Variants in USP42 observed in about 807,000 individuals in gnomAD.
USP42 encodes ubiquitin carboxyl-terminal hydrolase 42.
A neutral mutation model predicts 113.0 loss-of-function variants in USP42; 23 were observed. The observed-to-expected ratio is 0.20, with a 90% CI of 0.15 to 0.29. The LOEUF is 0.29. Among genes scored for constraint, USP42 ranks in the 10% least tolerant of loss-of-function variants. The pLI is 1.00. For synonymous variants in USP42, 933 were observed against 699.0 expected, an observed-to-expected ratio of 1.33 and a Z score of -5.28; for missense variants, 2,174 against 1,779.8, an observed-to-expected ratio of 1.22 and a Z score of -3.99.
At position 6,147,773 on chromosome 7, in the gene USP42, C is replaced by T; in HGVS notation, c.1267C>T (p.His423Tyr). 6.3e-7 allele frequency: 1 copy of T among 1,599,366 alleles called. No homozygotes were observed. Among genetic ancestry groups the T allele is most frequent in the Non-Finnish European group, 8.5e-7 (1 of 1,169,856 alleles). Residue 423 changes from histidine (H) to tyrosine (Y), a missense_variant, in exon 12 of 18, where the codon CAT (histidine) becomes TAT (tyrosine). Physicochemically the swap from His to Tyr is moderately conservative, Grantham distance 83 (BLOSUM62 2). Coordinates refer to ENST00000306177, the MANE Select transcript of USP42 (RefSeq NM_032172.3). ...HDVKNGGELTHPTHSPGQSSP... is the reference protein window; with the variant it reads ...HDVKNGGELTYPTHSPGQSSP... ...TGTGAAAAATGGAGGTGAACTTACT[C>T]ATCCCACCCATAGCCCCGGCCAGTC...
rs192804501 is a variant in USP42 at position 6,123,602 on chromosome 7, G to T, written c.442+8079G>T. Among the ~76,000 whole-genome samples the T allele has an allele frequency of 6.6e-5, 10 of 152,194 alleles. No individual in the cohort carries two copies. In the East Asian group the frequency reaches 1.2e-3, roughly 18 times the overall value. On this transcript the variant is annotated intron_variant, in intron 3 of 17. Coordinates refer to ENST00000306177, the MANE Select transcript of USP42 (RefSeq NM_032172.3). The stretch of plus-strand genomic sequence containing the variant: ...GCATAAACCCCGGGAGGCAGAGCCT[G>T]CAGTGAGCCGAGATCGCGCCACTGC...
rs775013607 is a variant in USP42, at chr7:6,154,687, G to C, written c.3133G>C (p.Gly1045Arg). ...CTACACCGAGGGCGAGCGTGGCTGG[G>C]GCCGGGAGAAGTTCTACCCCGACAG... ...HHYTEGERGW[G>R]REKFYPDRPR... is the part of the protein sequence containing the mutation. The change falls in exon 15 of 18, where the codon GGC becomes CGC. Residue 1045 changes from glycine (G) to arginine (R), a missense_variant. By Grantham distance (125) the Gly-to-Arg change is moderately radical (BLOSUM62 -2). Transcript: ENST00000306177. 13 of 1,604,224 alleles carry C rather than the reference G, an allele frequency of 8.1e-6. No individual in the cohort carries two copies. Among genetic ancestry groups the C allele is most frequent in the African/African-American group, 1.3e-5 (1 of 74,738 alleles).
chr7:6,085,622 A>AT, the USP42 span, among the ~76,000 whole-genome samples: 1,175 of 139,852 alleles, frequency 8.4e-3, 49 homozygotes, highest in African/African-American at 0.028. Context: ...ATATATATAT[A>AT]TATTTTTTTT....
chr7:6,127,585 G>C (rs1780607823), intron 3 of USP42, among the ~76,000 whole-genome samples: 1 of 151,718 alleles, frequency 6.6e-6, no homozygotes, highest in African/African-American at 2.4e-5. Context: ...AAAATTATTT[G>C]GGCATATTTG....
Position 6,154,497 on chromosome 7 carries a change from C to T in USP42, c.2943C>T (p.Arg981=), listed in dbSNP as rs1490568382. Residue 981 remains arginine (R), a synonymous_variant, in exon 15 of 18, where the codon CGC becomes CGT. Transcript: ENST00000306177. ...CTGAGGGCCACCGTCACCGGCGGCG[C>T]CGCACCTGCCCCCGGGAGCGCGACC... The part of the protein sequence containing the change: ...SKTEGHRHRR[R]RTCPRERDRQ... 1 of 1,544,146 alleles carries T rather than the reference C, an allele frequency of 6.5e-7. No homozygotes were observed. Among genetic ancestry groups the T allele is most frequent in the Non-Finnish European group, 8.7e-7 (1 of 1,144,632 alleles).
At chr7:6,132,545 G>A (rs1780908136) in intron 3 of USP42, among the ~76,000 whole-genome samples, 1 of 151,334 alleles carries the variant, frequency 6.6e-6, no homozygotes, top group South Asian at 2.1e-4. Context: ...TTTTAGTAGA[G>A]ACAGGGTTTC....
intron 3 of USP42, among the ~76,000 whole-genome samples, chr7:6,120,050 A>T (rs995325409): frequency 4.6e-5 from 7 of 151,594 alleles, no homozygotes; most frequent in African/African-American, 1.7e-4. Flanking sequence ...ACTGCAACCT[A>T]CGCCCCCGGG....
At chr7:6,085,703 C>T in the USP42 span, among the ~76,000 whole-genome samples, 1 of 150,068 alleles carries the variant, frequency 6.7e-6, no homozygotes, top group Non-Finnish European at 1.5e-5. Flanking sequence ...GAGCCTCTGC[C>T]TCTTGAGTTC....
rs778248650 is a variant in USP42 at position 6,154,803 on chromosome 7, C to T, written c.3249C>T (p.His1083=). ...DWKPFHGGRE[H]ERAGLHERPH... is the part of the protein sequence containing the mutation. ...AGCCCTTCCACGGCGGCCGCGAGCA[C>T]GAGCGGGCCGGGCTGCACGAGCGGC... is the stretch of plus-strand genomic sequence containing the variant. Residue 1083 remains histidine, a synonymous_variant, in exon 15 of 18, where the codon CAC becomes CAT. Coordinates refer to ENST00000306177, the MANE Select transcript of USP42 (RefSeq NM_032172.3). The T allele has an allele frequency of 2.6e-6, 4 of 1,545,680 alleles. No homozygotes were observed. Among genetic ancestry groups the T allele is most frequent in the African/African-American group, 2.7e-5 (2 of 72,794 alleles).
At position 6,147,777 on chromosome 7, in the gene USP42, C is replaced by T; in HGVS notation, c.1271C>T (p.Pro424Leu). 1 of 1,600,518 alleles carries T rather than the reference C, an allele frequency of 6.2e-7. No individual in the cohort carries two copies. ...AAAAATGGAGGTGAACTTACTCATC[C>T]CACCCATAGCCCCGGCCAGTCCTCT... The part of the protein sequence containing the change: ...DVKNGGELTH[P>L]THSPGQSSPR... Residue 424 changes from proline to leucine, a missense_variant, in exon 12 of 18, where the codon CCC becomes CTC. Pro to Leu is a moderately conservative substitution (Grantham distance 98, BLOSUM62 -3). Transcript: ENST00000306177.
intron 3 of USP42, among the ~76,000 whole-genome samples, chr7:6,118,694 T>A (rs1780045952): frequency 1.3e-5 from 2 of 152,180 alleles, no homozygotes; most frequent in Non-Finnish European, 2.9e-5. Context: ...TTTATTTTTT[T>A]GCATATGGAT....
chr7:6,099,085 C>A, the USP42 span, among the ~76,000 whole-genome samples: 1 of 149,848 alleles, frequency 6.7e-6, no homozygotes, highest in African/African-American at 2.5e-5. Context: ...TAGGTTAAGT[C>A]CTCTGCCTGG....
chr7:6,133,433 A>G (rs1173339316), intron 3 of USP42, among the ~76,000 whole-genome samples: 5 of 152,214 alleles, frequency 3.3e-5, no homozygotes, highest in African/African-American at 1.2e-4. Flanking sequence ...TCTACCCATA[A>G]TGAATATCTT....
At chr7:6,114,099 G>T (rs1779748486) in intron 2 of USP42, among the ~76,000 whole-genome samples, 1 of 152,044 alleles carries the variant, frequency 6.6e-6, no homozygotes, top group Non-Finnish European at 1.5e-5. Context: ...TAGGTCATAG[G>T]TAGTCTCCTC....
chr7:6,111,537 G>A (rs925560468), intron 2 of USP42, among the ~76,000 whole-genome samples, 163 bp downstream of exon 2: 6 of 152,012 alleles, frequency 3.9e-5, no homozygotes, highest in Admixed American at 6.6e-5. Context: ...TTACTTGTTC[G>A]TCATTGACTG....
intron 9 of USP42, among the ~76,000 whole-genome samples, chr7:6,144,400 G>A (rs1025896870): frequency 3.9e-5 from 6 of 152,126 alleles, no homozygotes; most frequent in African/African-American, 1.4e-4. Context: ...AATCCAAAGA[G>A]GACTTCCTGC....
chr7:6,123,832 C>CAAAAAAAAAAAAAAAAAA (rs34032326), intron 3 of USP42, among the ~76,000 whole-genome samples: 1 of 72,768 alleles, frequency 1.4e-5, no homozygotes, highest in Non-Finnish European at 3.2e-5. Context: ...GACCCTGTCT[C>CAAAAAAAAAAAAAAAAAA]AAAAAAAAAA....
chr7:6,125,103 C>A (rs915663074), intron 3 of USP42, among the ~76,000 whole-genome samples: 1 of 151,062 alleles, frequency 6.6e-6, no homozygotes, highest in African/African-American at 2.4e-5. Flanking sequence ...ATCGCTTGAT[C>A]CCGGGAGTTG....
chr7:6,156,253 G>A (rs1327593675), intron 15 of USP42, among the ~76,000 whole-genome samples: 1 of 152,206 alleles, frequency 6.6e-6, no homozygotes, highest in African/African-American at 2.4e-5. Flanking sequence ...TCAGGCACAT[G>A]GGAGGGAAGG....
Sources: gnomAD v4.1 joint callset for allele counts (sites outside exome capture counted in the v4.1 genomes callset) on GRCh38, gnomAD v4.1.1 for gene constraint, MANE v1.5 for transcripts, NCBI Gene and HGNC (gene_info 2026-07-23, HGNC 2026-07-21) for gene names.